The following CLASP2 variants were observed in gnomAD, a reference collection of about 807,000 sequenced individuals.
CLASP2 encodes the protein cytoplasmic linker associated protein 2.
Under a neutral mutation model 194.4 loss-of-function variants are expected in CLASP2, and 47 were observed. That is an observed-to-expected ratio of 0.24 (90% CI 0.19 to 0.31). The LOEUF is 0.31. CLASP2 is among the 10% of genes least tolerant of loss of function. CLASP2 has a pLI of 1.00. For missense variants in CLASP2, 1,445 were observed against 1,823.6 expected (o/e 0.79, Z 3.78); for synonymous variants, 619 against 633.5 (o/e 0.98, Z 0.34).
intron 27 of CLASP2, among the ~76,000 whole-genome samples, chr3:33,564,599 TATCACTTTTGAG>T (rs1384896747): frequency 2.6e-5 from 4 of 152,186 alleles, no homozygotes; most frequent in Admixed American, 1.3e-4. Context: ...AAAATTTTGT[TATCACTTTTGAG>T]ACAGAGTCTC....
chr3:33,547,368 T>G (rs368375500), intron 30 of CLASP2, among the ~76,000 whole-genome samples: 7 of 152,248 alleles, frequency 4.6e-5, no homozygotes, highest in Non-Finnish European at 1.0e-4. Context: ...CCTTGACTTC[T>G]GCCATGATTG....
chr3:33,544,968 C>A, intron 30 of CLASP2, 127 bp from the exon 31 acceptor site: 1 of 574,580 alleles, frequency 1.7e-6, no homozygotes, highest in Non-Finnish European at 2.6e-6. Context: ...GGAAGATATT[C>A]TTATTTGCTT....
intron 9 of CLASP2, among the ~76,000 whole-genome samples, chr3:33,627,428 C>G (rs1330616363): frequency 6.6e-6 from 1 of 152,064 alleles, no homozygotes; most frequent in Admixed American, 6.6e-5. Context: ...CATTCATATA[C>G]ATATTACCCA....
chr3:33,619,923 C>T (rs565773250), intron 11 of CLASP2, among the ~76,000 whole-genome samples, 185 bp from the exon 12 acceptor site: 1 of 152,316 alleles, frequency 6.6e-6, no homozygotes, highest in South Asian at 2.1e-4. Context: ...TTTTCCCCAT[C>T]TTTAACTGGC....
chr3:33,505,655 T>C (rs1445944699), intron 37 of CLASP2, among the ~76,000 whole-genome samples: 1 of 152,226 alleles, frequency 6.6e-6, no homozygotes, highest in South Asian at 2.1e-4. Flanking sequence ...GCAAGGTATA[T>C]AATGGAGGGA....
intron 6 of CLASP2, among the ~76,000 whole-genome samples, chr3:33,671,849 C>A (rs1454014014): frequency 6.6e-6 from 1 of 152,194 alleles, no homozygotes; most frequent in Admixed American, 6.5e-5. Context: ...GCTAGCACAG[C>A]AGTCTGAGAT....
At chr3:33,536,052 T>C (rs1207798127) in intron 33 of CLASP2, among the ~76,000 whole-genome samples, 1 of 152,148 alleles carries the variant, frequency 6.6e-6, no homozygotes, top group Non-Finnish European at 1.5e-5. Context: ...AAATAATTAC[T>C]ACCATGGGTA....
intron 1 of CLASP2, among the ~76,000 whole-genome samples, chr3:33,714,730 T>C (rs947246132): frequency 9.2e-5 from 14 of 152,068 alleles, no homozygotes; most frequent in African/African-American, 3.4e-4. Flanking sequence ...TTTACACACA[T>C]AAAACCCCCC....
intron 9 of CLASP2, among the ~76,000 whole-genome samples, chr3:33,629,970 C>T (rs1406765763): frequency 6.6e-6 from 1 of 151,970 alleles, no homozygotes; most frequent in African/African-American, 2.4e-5. Flanking sequence ...GACTGACGAT[C>T]CTTGAAATCG....
At chr3:33,565,610 C>T (rs377686603) in intron 27 of CLASP2, among the ~76,000 whole-genome samples, 18 of 151,308 alleles carry the variant, frequency 1.2e-4, no homozygotes, top group East Asian at 7.9e-4. Context: ...GTCGGGAGTT[C>T]GAGACCAGCC....
At chr3:33,551,564 C>T (rs1049465252) in intron 29 of CLASP2, among the ~76,000 whole-genome samples, 169 bp from the exon 30 acceptor site, 1 of 152,126 alleles carries the variant, frequency 6.6e-6, no homozygotes, top group African/African-American at 2.4e-5. Flanking sequence ...AGCAATCCTC[C>T]CACCTCGGCC....
intron 5 of CLASP2, among the ~76,000 whole-genome samples, chr3:33,685,509 T>C (rs975390816): frequency 1.4e-4 from 22 of 152,110 alleles, no homozygotes; most frequent in Non-Finnish European, 3.1e-4. Context: ...TTTACACTAA[T>C]ATTCACAACA....
intron 21 of CLASP2, among the ~76,000 whole-genome samples, chr3:33,591,671 G>C (rs895385909): frequency 6.6e-6 from 1 of 152,152 alleles, no homozygotes; most frequent in African/African-American, 2.4e-5. Context: ...CTGAAACATA[G>C]AAATAATTAA....
chr3:33,676,238 T>C (rs1252520773), intron 6 of CLASP2, among the ~76,000 whole-genome samples: 1 of 148,574 alleles, frequency 6.7e-6, no homozygotes, highest in Non-Finnish European at 1.5e-5. Context: ...AACAGAGATA[T>C]AGATCAATGG....
intron 16 of CLASP2, among the ~76,000 whole-genome samples, chr3:33,606,077 G>C (rs2073774008): frequency 6.6e-6 from 1 of 152,082 alleles, no homozygotes; most frequent in African/African-American, 2.4e-5. Flanking sequence ...GGTTATGGCT[G>C]CTAAGCAGTA....
At chr3:33,627,123 G>T in intron 9 of CLASP2, 43 bp from the exon 10 acceptor site, 1 of 1,159,194 alleles carries the variant, frequency 8.6e-7, no homozygotes, top group Non-Finnish European at 1.3e-6. Context: ...TTCTTGCCAT[G>T]AACAATATCA....
chr3:33,656,767 T>C (rs1369520256), intron 7 of CLASP2, among the ~76,000 whole-genome samples: 1 of 152,008 alleles, frequency 6.6e-6, no homozygotes, highest in Non-Finnish European at 1.5e-5. Context: ...GTCCATATTA[T>C]AGAATACTAT....
intron 2 of CLASP2, among the ~76,000 whole-genome samples, chr3:33,695,824 C>T (rs1296492055): frequency 6.6e-6 from 1 of 152,124 alleles, no homozygotes; most frequent in Admixed American, 6.5e-5. Flanking sequence ...ACATCTGAGG[C>T]TACCCTTCTA....
At chr3:33,510,157 T>G (rs1015068763) in intron 37 of CLASP2, among the ~76,000 whole-genome samples, 5 of 152,302 alleles carry the variant, frequency 3.3e-5, no homozygotes, top group South Asian at 2.1e-4. Context: ...TATTGTATTA[T>G]TCCACTTATA....
Sources: gnomAD v4.1 joint callset for allele counts (sites outside exome capture counted in the v4.1 genomes callset) on GRCh38, gnomAD v4.1.1 for gene constraint, MANE v1.5 for transcripts, NCBI Gene and HGNC (gene_info 2026-07-23, HGNC 2026-07-21) for gene names.